Variants in DOCK2 observed in about 807,000 individuals in gnomAD.
DOCK2 encodes dedicator of cytokinesis protein 2.
DOCK2 carries 87 observed loss-of-function variants against 248.9 expected under a neutral mutation model. That is an observed-to-expected ratio of 0.35 (90% CI 0.29 to 0.42). The LOEUF is 0.42. DOCK2 is among the 10% of genes least tolerant of loss of function. The pLI, the probability that DOCK2 is intolerant of heterozygous loss-of-function variation, is 1.00. For missense variants in DOCK2, 1,747 were observed against 2,300.2 expected, an observed-to-expected ratio of 0.76 and a Z score of 4.92; for synonymous variants, 805 against 821.6, an observed-to-expected ratio of 0.98 and a Z score of 0.35.
intron 33 of DOCK2, among the ~76,000 whole-genome samples, chr5:170,021,580 C>G (rs759521055): frequency 3.3e-5 from 5 of 152,148 alleles, no homozygotes; most frequent in Non-Finnish European, 5.9e-5. Flanking sequence ...CATGCACCCA[C>G]CTGTTTTCTC....
chr5:169,658,818 G>T (rs1226068410), intron 2 of DOCK2, among the ~76,000 whole-genome samples: 1 of 151,698 alleles, frequency 6.6e-6, no homozygotes, highest in African/African-American at 2.4e-5. Flanking sequence ...GCTGAGGCAG[G>T]AGGATCCCTT....
At position 169,983,294 on chromosome 5, in the gene DOCK2, G is replaced by A. The variant is rs147254435; in HGVS notation, c.2898+128G>A. 2.1e-4 allele frequency: 208 copies of A among 977,462 alleles called. No individual in the cohort carries two copies. The African/African-American group carries it at 2.9e-3, about 14-fold the overall frequency. 60.5% of individuals were successfully genotyped at this position (977,462 alleles called of 1,614,324 possible). ...TATGACTTAACCAATATTTGTTGAT[G>A]AATCACAGACATTTTGGGGTTTAAG... On this transcript the variant is annotated intron_variant, in intron 28 of 51. Transcript: ENST00000520908.
intron 6 of DOCK2, among the ~76,000 whole-genome samples, chr5:169,680,390 A>T (rs1013192755): frequency 6.6e-6 from 1 of 152,212 alleles, no homozygotes; most frequent in Admixed American, 6.5e-5. Context: ...GTGTAGTTGA[A>T]ACAAATCAAT....
intron 2 of DOCK2, among the ~76,000 whole-genome samples, chr5:169,668,618 A>T (rs775988455): frequency 2.6e-5 from 4 of 152,228 alleles, no homozygotes; most frequent in Non-Finnish European, 4.4e-5. Context: ...TACAGTCATC[A>T]GGACTTGCTG....
intron 25 of DOCK2, among the ~76,000 whole-genome samples, chr5:169,765,426 C>T (rs1456176471): frequency 6.6e-6 from 1 of 152,174 alleles, no homozygotes; most frequent in Non-Finnish European, 1.5e-5. Flanking sequence ...TCTTCTCCAA[C>T]ACAAGCTCAG....
At chr5:170,038,876 T>C (rs1271080473) in intron 36 of DOCK2, among the ~76,000 whole-genome samples, 1 of 152,130 alleles carries the variant, frequency 6.6e-6, no homozygotes, top group Non-Finnish European at 1.5e-5. Flanking sequence ...AACTCAGCCA[T>C]CTAGGGGTCT....
At chr5:169,898,887 A>G (rs1773764386) in intron 27 of DOCK2, among the ~76,000 whole-genome samples, 1 of 152,216 alleles carries the variant, frequency 6.6e-6, no homozygotes, top group Non-Finnish European at 1.5e-5. Flanking sequence ...TCAGAGAACC[A>G]GATGGAAATG....
intron 26 of DOCK2, among the ~76,000 whole-genome samples, chr5:169,823,114 T>A (rs988461004): frequency 6.6e-6 from 1 of 152,098 alleles, no homozygotes; most frequent in African/African-American, 2.4e-5. Flanking sequence ...GCTCTGAAAT[T>A]GAGGCAATAA....
chr5:169,714,372 G>A lies in DOCK2; in HGVS notation c.1856G>A (p.Gly619Asp). The change falls in exon 19 of 52, where the codon GGT (glycine) becomes GAT (aspartate). Residue 619 changes from glycine (G) to aspartate (D), a missense_variant. Transcript: ENST00000520908. ...TKLTQNVGLL[G>D]LLKWRMKPQL... ...GACTCTATTTTAGTGGGCTTGCTGG[G>A]TTTGCTGAAGTGGCGTATGAAGCCT... is the stretch of plus-strand genomic sequence containing the variant. 6.2e-7 allele frequency: 1 copy of A among 1,614,104 alleles called. No individual in the cohort carries two copies. Among genetic ancestry groups the A allele is most frequent in the Non-Finnish European group, 8.5e-7 (1 of 1,179,986 alleles).
chr5:169,660,652 T>C (rs1214321945), intron 2 of DOCK2, among the ~76,000 whole-genome samples: 2 of 152,196 alleles, frequency 1.3e-5, no homozygotes, highest in Non-Finnish European at 2.9e-5. Context: ...TAATAACTCC[T>C]TTGAGGGTGA....
intron 39 of DOCK2, among the ~76,000 whole-genome samples, chr5:170,046,895 T>TG (rs1257345758): frequency 1.3e-5 from 2 of 152,178 alleles, no homozygotes; most frequent in Non-Finnish European, 2.9e-5. Flanking sequence ...TTGTATCAAA[T>TG]GGAAGATGCC....
intron 30 of DOCK2, among the ~76,000 whole-genome samples, chr5:169,999,783 T>C (rs1051043745): frequency 7.2e-5 from 11 of 152,228 alleles, no homozygotes; most frequent in South Asian, 2.1e-4. Context: ...TCTTACGGGC[T>C]CATTAATTAT....
intron 32 of DOCK2, 125 bp from the exon 33 acceptor site, chr5:170,018,834 CT>C: frequency 8.1e-7 from 1 of 1,233,210 alleles, no homozygotes; most frequent in Non-Finnish European, 1.1e-6. Flanking sequence ...TGGTAAACAA[CT>C]ATATAAGTGT....
At chr5:169,889,331 C>T (rs957143500) in intron 27 of DOCK2, among the ~76,000 whole-genome samples, 2 of 152,082 alleles carry the variant, frequency 1.3e-5, no homozygotes, top group African/African-American at 4.8e-5. Flanking sequence ...TTTACGGCAG[C>T]TTTAATTTGG....
rs1048250715 is a variant in DOCK2, at chr5:170,079,138, C to A, written c.5158C>A (p.Leu1720Met). 6.2e-7 allele frequency: 1 copy of A among 1,613,380 alleles called. No homozygotes were observed. The highest frequency in any genetic ancestry group is 8.5e-7 in the Non-Finnish European group (1 of 1,179,944). ...TGAGAAAGCAGCTGCAGAGTCGGAC[C>A]TGAAGCGGGTGAGTGGCTGAGGCAG... ...ADEKAAAESD[L>M]KRLSRKHEFM... The change falls in exon 49 of 52, where the codon CTG (leucine) becomes ATG (methionine). Residue 1720 changes from leucine to methionine, a missense_variant. By Grantham distance (15) the Leu-to-Met change is conservative. Coordinates refer to ENST00000520908, the MANE Select transcript of DOCK2 (RefSeq NM_004946.3).
rs763264176 is a variant in DOCK2 at position 169,882,516 on chromosome 5, C to A, written c.2799+41664C>A. ...GCCCCTGTGTTGGCAAATGACTTCA[C>A]CCAGTCATTTTTAATATGAAAAAAA... On this transcript the variant is annotated intron_variant, in intron 27 of 51. Coordinates refer to ENST00000520908, the MANE Select transcript of DOCK2 (RefSeq NM_004946.3). The A allele has an allele frequency of 4.7e-6, 7 of 1,493,636 alleles. No homozygotes were observed. The South Asian group carries it at 7.8e-5, about 17-fold the overall frequency. The allele number at this position is 1,493,636 out of a possible 1,614,324, so 92.5% of individuals were successfully genotyped here. A position where few individuals can be genotyped will look rare whatever the true frequency, so the allele number is the denominator to read the frequency against.
At chr5:170,011,541 A>G (rs915215206) in intron 32 of DOCK2, among the ~76,000 whole-genome samples, 1 of 152,192 alleles carries the variant, frequency 6.6e-6, no homozygotes, top group African/African-American at 2.4e-5. Flanking sequence ...ATTTATTAGA[A>G]GGGCAAGAAA....
intron 27 of DOCK2, among the ~76,000 whole-genome samples, chr5:169,872,783 C>T (rs965947853): frequency 6.6e-6 from 1 of 152,182 alleles, no homozygotes; most frequent in Non-Finnish European, 1.5e-5. Context: ...AAAGTAGGAC[C>T]TAGTTTTGAG....
intron 22 of DOCK2, among the ~76,000 whole-genome samples, chr5:169,734,313 G>C (rs1179349418): frequency 6.6e-6 from 1 of 152,026 alleles, no homozygotes; most frequent in East Asian, 1.9e-4. Flanking sequence ...GAAGCATAGT[G>C]AGTGTGCTGG....
Sources: gnomAD v4.1 joint callset for allele counts (sites outside exome capture counted in the v4.1 genomes callset) on GRCh38, gnomAD v4.1.1 for gene constraint, MANE v1.5 for transcripts, NCBI Gene and HGNC (gene_info 2026-07-23, HGNC 2026-07-21) for gene names.